The following LOC128071547 variants were observed in gnomAD, a reference collection of about 807,000 sequenced individuals.
chr12:120,534,906 A>G, the LOC128071547 span: 1 of 1,607,558 alleles, frequency 6.2e-7, no homozygotes, highest in Non-Finnish European at 8.5e-7. Context: ...GGCAGCAGCA[A>G]AGGGCAACAG....
At chr12:120,534,819 T>A in the LOC128071547 span, 1 of 1,584,142 alleles carries the variant, frequency 6.3e-7, no homozygotes, top group Non-Finnish European at 8.5e-7. Flanking sequence ...TTGATGCCGC[T>A]GAGCTCCCCC....
the LOC128071547 span, chr12:120,534,924 G>A: frequency 6.2e-7 from 1 of 1,605,436 alleles, no homozygotes; most frequent in East Asian, 2.2e-5. Context: ...CAGCCGCCCC[G>A]CTCCGCCTCG....
At chr12:120,534,814 G>C in the LOC128071547 span, 1 of 1,575,684 alleles carries the variant, frequency 6.3e-7, no homozygotes, top group East Asian at 2.3e-5. Flanking sequence ...CCCCGTTGAT[G>C]CCGCTGAGCT....
the LOC128071547 span, chr12:120,534,842 A>ACCGCCT: frequency 5.6e-6 from 9 of 1,602,846 alleles, no homozygotes; most frequent in Non-Finnish European, 5.9e-6. Context: ...CGCCGCCGCC[A>ACCGCCT]CCGCCTCCGA....
the LOC128071547 span, chr12:120,534,743 A>G: frequency 6.8e-6 from 10 of 1,462,248 alleles, no homozygotes; most frequent in African/African-American, 9.0e-5. Flanking sequence ...CCGGCCCTGA[A>G]CGCCATGAGC....
the LOC128071547 span, chr12:120,534,781 C>A: frequency 6.5e-7 from 1 of 1,540,950 alleles, no homozygotes; most frequent in South Asian, 1.2e-5. Flanking sequence ...CCGCTCCGCT[C>A]CGACTGCCGT....
chr12:120,534,705 C>G, the LOC128071547 span: 2 of 1,401,936 alleles, frequency 1.4e-6, no homozygotes, highest in African/African-American at 1.5e-5. Context: ...CCATGAAGGC[C>G]GAGAACCGCT....
At chr12:120,534,854 A>G in the LOC128071547 span, 1 of 1,607,186 alleles carries the variant, frequency 6.2e-7, no homozygotes, top group Non-Finnish European at 8.5e-7. Flanking sequence ...CGCCTCCGAC[A>G]TGGACAAGAA....
At chr12:120,534,743 A>C in the LOC128071547 span, 248 of 1,462,248 alleles carry the variant, frequency 1.7e-4, 1 homozygote, top group Admixed American at 2.9e-5. Context: ...CCGGCCCTGA[A>C]CGCCATGAGC....
chr12:120,534,865 C>G, the LOC128071547 span: 9 of 1,608,364 alleles, frequency 5.6e-6, no homozygotes, highest in African/African-American at 1.2e-4. Flanking sequence ...TGGACAAGAA[C>G]AGCGGCTCCA....
chr12:120,534,719 G>C, the LOC128071547 span: 4 of 1,405,642 alleles, frequency 2.8e-6, no homozygotes, highest in African/African-American at 6.1e-5. Context: ...AACCGCTGCC[G>C]CCGCCGACCC....
chr12:120,534,768 C>T, the LOC128071547 span: 5 of 1,524,912 alleles, frequency 3.3e-6, no homozygotes, highest in Non-Finnish European at 4.4e-6. Flanking sequence ...GTCCCCGCCG[C>T]GCCCGCTCCG....
the LOC128071547 span, chr12:120,534,703 G>A: frequency 7.1e-7 from 1 of 1,400,558 alleles, no homozygotes; most frequent in South Asian, 1.6e-5. Flanking sequence ...CGCCATGAAG[G>A]CCGAGAACCG....
chr12:120,534,918 C>T, the LOC128071547 span: 1 of 1,605,986 alleles, frequency 6.2e-7, no homozygotes, highest in Non-Finnish European at 8.5e-7. Context: ...GGGCAACAGC[C>T]GCCCCGCTCC....
the LOC128071547 span, chr12:120,534,771 C>T: frequency 4.6e-6 from 7 of 1,527,098 alleles, no homozygotes; most frequent in Admixed American, 4.1e-5. Flanking sequence ...CCCGCCGCGC[C>T]CGCTCCGCTC....
chr12:120,534,949 C>T, the LOC128071547 span: 6 of 1,600,764 alleles, frequency 3.7e-6, no homozygotes, highest in East Asian at 9.0e-5. Flanking sequence ...GGCCAGCCGG[C>T]GAGTCTAAAC....
the LOC128071547 span, chr12:120,534,846 C>G: frequency 5.6e-6 from 9 of 1,605,292 alleles, no homozygotes; most frequent in Non-Finnish European, 8.5e-7. Context: ...GCCGCCACCG[C>G]CTCCGACATG....
the LOC128071547 span, chr12:120,534,718 C>G: frequency 7.1e-7 from 1 of 1,406,236 alleles, no homozygotes; most frequent in Non-Finnish European, 9.2e-7. Context: ...GAACCGCTGC[C>G]GCCGCCGACC....
the LOC128071547 span, chr12:120,534,859 C>A: frequency 3.1e-6 from 5 of 1,608,046 alleles, no homozygotes; most frequent in African/African-American, 5.3e-5. Context: ...CCGACATGGA[C>A]AAGAACAGCG....
Sources: gnomAD v4.1 joint callset for allele counts on GRCh38, gnomAD v4.1.1 for gene constraint, MANE v1.5 for transcripts.